The following ASB3 variants were observed in gnomAD, a reference collection of about 807,000 sequenced individuals.
The protein encoded by ASB3 is ankyrin repeat and SOCS box containing 3, also known as ankyrin repeat and SOCS box protein 3.
Under a neutral mutation model 54.5 loss-of-function variants are expected in ASB3, and 41 were observed. The ratio of observed to expected loss-of-function variants is 0.75; its 90% CI spans 0.59 to 0.98. The LOEUF is 0.98. Among genes scored for constraint, ASB3 ranks in the 50% least tolerant of loss-of-function variants. The pLI, the probability that ASB3 is intolerant of heterozygous loss-of-function variation, is 0.00. For missense variants in ASB3, 733 were observed against 620.0 expected (o/e 1.18, Z -1.94); for synonymous variants, 266 against 221.2 (o/e 1.20, Z -1.80).
At chr2:53,772,276 G>C (rs1173017695) in intron 1 of ASB3, among the ~76,000 whole-genome samples, 1 of 152,048 alleles carries the variant, frequency 6.6e-6, no homozygotes, top group East Asian at 1.9e-4. Context: ...CCGGGTTCAC[G>C]CCATTCTCCT....
intron 3 of ASB3, among the ~76,000 whole-genome samples, chr2:53,733,566 C>A (rs538367990): frequency 1.3e-5 from 2 of 152,176 alleles, no homozygotes; most frequent in Non-Finnish European, 2.9e-5. Flanking sequence ...GTCAGCCTCC[C>A]GAGTAGCTGG....
chr2:53,676,574 T>G (rs1668090659), intron 9 of ASB3, among the ~76,000 whole-genome samples: 1 of 152,168 alleles, frequency 6.6e-6, no homozygotes, highest in Non-Finnish European at 1.5e-5. Flanking sequence ...ATCAACTAAT[T>G]TTTTTATAAA....
chr2:53,714,355 A>C lies in ASB3; in HGVS notation c.980+29T>G, dbSNP rs757867065. The C allele has an allele frequency of 2.5e-6, 4 of 1,606,470 alleles. No homozygotes were observed. In the African/African-American group the frequency reaches 5.4e-5, roughly 22 times the overall value. On this transcript the variant is annotated intron_variant, in intron 7 of 9. Coordinates refer to ENST00000263634, the MANE Select transcript of ASB3 (RefSeq NM_016115.5). ...CATCTCCATACAGCAAAAAAGAATA[A>C]AAAATAAAAACATAGCAAATATACA...
intron 3 of ASB3, among the ~76,000 whole-genome samples, chr2:53,733,845 C>T (rs1446372340): frequency 6.6e-6 from 1 of 152,152 alleles, no homozygotes; most frequent in South Asian, 2.1e-4. Flanking sequence ...AAGCCTTGAA[C>T]AGAGATTTAC....
At chr2:53,671,768 A>G (rs560885999) in intron 9 of ASB3, among the ~76,000 whole-genome samples, 1 of 131,584 alleles carries the variant, frequency 7.6e-6, no homozygotes, top group South Asian at 2.3e-4. Flanking sequence ...TCAAAAAAAA[A>G]AAGAAAAGAA....
At chr2:53,773,719 G>A (rs537631137) in intron 1 of ASB3, among the ~76,000 whole-genome samples, 1 of 151,200 alleles carries the variant, frequency 6.6e-6, no homozygotes, top group Admixed American at 6.6e-5. Context: ...GTGAGCCACC[G>A]CTCCTGGCCC....
intron 9 of ASB3, 106 bp downstream of exon 9, chr2:53,693,778 C>A: frequency 6.9e-7 from 1 of 1,442,226 alleles, no homozygotes; most frequent in Non-Finnish European, 9.2e-7. Context: ...CAAATTATGT[C>A]TAATTTGTGT....
At chr2:53,780,571 T>C (rs1485110484) in intron 1 of ASB3, among the ~76,000 whole-genome samples, 1 of 152,004 alleles carries the variant, frequency 6.6e-6, no homozygotes, top group African/African-American at 2.4e-5. Flanking sequence ...TTGAAGTCAG[T>C]AGTTTGAGAC....
intron 1 of ASB3, chr2:53,774,637 T>A: frequency 1.3e-6 from 1 of 765,386 alleles, no homozygotes; most frequent in Non-Finnish European, 1.9e-6. Flanking sequence ...ACTTTTATTT[T>A]AACTGGAAAT....
chr2:53,772,321 C>G (rs1371494575), intron 1 of ASB3, among the ~76,000 whole-genome samples: 1 of 152,024 alleles, frequency 6.6e-6, no homozygotes, highest in African/African-American at 2.4e-5. Flanking sequence ...ACTACAGGCG[C>G]CCGCCACCAT....
Position 53,765,552 on chromosome 2 carries a change from G to A in ASB3, c.21C>T (p.Tyr7=), listed in dbSNP as rs777316088. The A allele has an allele frequency of 1.1e-5, 17 of 1,614,026 alleles. No individual in the cohort carries two copies. Among genetic ancestry groups the A allele is most frequent in the East Asian group, 6.7e-5 (3 of 44,900 alleles). ...GTCCAACTGTAGAGCACGTGTCCGC[G>A]TAAGCCTCTGTAAAATCCATTTGTT... The part of the protein sequence containing the change: MDFTEA[Y]ADTCSTVGLA... Residue 7 remains tyrosine (Y), a synonymous_variant, in exon 2 of 10, where the codon TAC becomes TAT. Coordinates refer to ENST00000263634, the MANE Select transcript of ASB3 (RefSeq NM_016115.5).
At chr2:53,731,000 G>A (rs778455517) in intron 3 of ASB3, among the ~76,000 whole-genome samples, 14 of 152,110 alleles carry the variant, frequency 9.2e-5, no homozygotes, top group Non-Finnish European at 1.6e-4. Context: ...AATGATAAGC[G>A]TGCTTATTAC....
At chr2:53,772,385 A>G (rs866665627) in intron 1 of ASB3, among the ~76,000 whole-genome samples, 15 of 152,306 alleles carry the variant, frequency 9.8e-5, no homozygotes, top group South Asian at 8.3e-4. Context: ...CGTGTTAGCC[A>G]GGATGGTCTC....
intron 3 of ASB3, among the ~76,000 whole-genome samples, chr2:53,737,122 A>C (rs1236259344): frequency 1.3e-5 from 2 of 152,204 alleles, no homozygotes; most frequent in Non-Finnish European, 2.9e-5. Flanking sequence ...ATCCAAAACA[A>C]TCATAAGAGT....
intron 9 of ASB3, among the ~76,000 whole-genome samples, chr2:53,671,249 T>C (rs1170773480): frequency 6.6e-6 from 1 of 152,114 alleles, no homozygotes; most frequent in African/African-American, 2.4e-5. Context: ...ATGAAGTATA[T>C]ATTATCAGGC....
chr2:53,764,440 A>C lies in ASB3; in HGVS notation c.196+937T>G, dbSNP rs182230795. On this transcript the variant is annotated intron_variant, in intron 2 of 9. Coordinates refer to ENST00000263634, the MANE Select transcript of ASB3 (RefSeq NM_016115.5). ...TCTGAGCCTTGGTCTTTTCACCAAT[A>C]AAATGAGGATAATACTGCCTCTAAC... is the stretch of plus-strand genomic sequence containing the variant. Among the ~76,000 whole-genome samples the C allele has an allele frequency of 7.2e-4, 109 of 152,338 alleles. 3 individuals are homozygous for C. In the East Asian group the frequency reaches 0.013, roughly 19 times the overall value.
chr2:53,748,216 A>C (rs1291581838), intron 3 of ASB3: 1 of 152,244 alleles, frequency 6.6e-6, no homozygotes, highest in East Asian at 1.9e-4. Context: ...CTGCACATGA[A>C]GTCTTCTGTC....
chr2:53,676,922 C>T (rs1668111838), intron 9 of ASB3, among the ~76,000 whole-genome samples: 1 of 152,184 alleles, frequency 6.6e-6, no homozygotes, highest in African/African-American at 2.4e-5. Flanking sequence ...GCGCCTGCCA[C>T]CATGCCCGAT....
chr2:53,707,379 C>T (rs564170580), intron 7 of ASB3, among the ~76,000 whole-genome samples: 188 of 152,262 alleles, frequency 1.2e-3, no homozygotes, highest in Non-Finnish European at 1.7e-3. Context: ...TGGTGGCTCA[C>T]GCCTGTAATC....
Sources: gnomAD v4.1 joint callset for allele counts (sites outside exome capture counted in the v4.1 genomes callset) on GRCh38, gnomAD v4.1.1 for gene constraint, MANE v1.5 for transcripts, NCBI Gene and HGNC (gene_info 2026-07-23, HGNC 2026-07-21) for gene names.